Variants in GARIN1A observed in about 807,000 individuals in gnomAD.
The protein encoded by GARIN1A is Golgi-associated RAB2 interactor protein 1A.
At chr7:128,707,271 C>G in the GARIN1A span, among the ~76,000 whole-genome samples, 1 of 148,354 alleles carries the variant, frequency 6.7e-6, no homozygotes, top group Non-Finnish European at 1.5e-5. Context: ...AATATAAGAT[C>G]TACCCTCTTG....
chr7:128,671,795 C>G, the GARIN1A span, among the ~76,000 whole-genome samples: 1 of 151,820 alleles, frequency 6.6e-6, no homozygotes, highest in African/African-American at 2.4e-5. Context: ...CCCACTGTTT[C>G]CAAATAAATA....
At chr7:128,705,469 T>C in the GARIN1A span, among the ~76,000 whole-genome samples, 21,082 of 151,972 alleles carry the variant, frequency 0.14, 1,663 homozygotes, top group African/African-American at 0.2. Flanking sequence ...GTCTGCCAGA[T>C]TTTTCTACCA....
At chr7:128,679,288 G>A in the GARIN1A span, among the ~76,000 whole-genome samples, 1 of 151,972 alleles carries the variant, frequency 6.6e-6, no homozygotes, top group African/African-American at 2.4e-5. Context: ...CGCCTCCCAG[G>A]TTCAAGCGAT....
the GARIN1A span, among the ~76,000 whole-genome samples, chr7:128,689,192 G>T: frequency 6.6e-6 from 1 of 152,190 alleles, no homozygotes; most frequent in African/African-American, 2.4e-5. Context: ...CTTCCAAAGT[G>T]CCGAGATTGC....
chr7:128,708,827 T>C, the GARIN1A span, among the ~76,000 whole-genome samples: 1 of 152,218 alleles, frequency 6.6e-6, no homozygotes, highest in South Asian at 2.1e-4. Flanking sequence ...TTCTGTGACA[T>C]AGCTTCTTCC....
the GARIN1A span, chr7:128,675,812 T>A: frequency 1.2e-6 from 2 of 1,613,870 alleles, no homozygotes; most frequent in Non-Finnish European, 1.7e-6. Flanking sequence ...AGGGTCCATT[T>A]ACCACCTGGA....
At chr7:128,708,039 C>G in the GARIN1A span, among the ~76,000 whole-genome samples, 18 of 151,554 alleles carry the variant, frequency 1.2e-4, no homozygotes, top group African/African-American at 3.6e-4. Flanking sequence ...TTCCCTCTTT[C>G]CAGGATCTCT....
At chr7:128,689,978 TG>T in the GARIN1A span, among the ~76,000 whole-genome samples, 3 of 152,000 alleles carry the variant, frequency 2.0e-5, no homozygotes, top group African/African-American at 7.3e-5. Context: ...GGGGGAAAGG[TG>T]GGGAAAAGTT....
chr7:128,674,900 G>C, the GARIN1A span, among the ~76,000 whole-genome samples: 1 of 152,170 alleles, frequency 6.6e-6, no homozygotes, highest in South Asian at 2.1e-4. Context: ...TTTGACACCA[G>C]TCTGGGCAAC....
At chr7:128,707,772 A>G in the GARIN1A span, among the ~76,000 whole-genome samples, 1 of 152,172 alleles carries the variant, frequency 6.6e-6, no homozygotes, top group Non-Finnish European at 1.5e-5. Context: ...GATTCTGTGT[A>G]TAAGTGACAT....
the GARIN1A span, chr7:128,690,639 A>T: frequency 6.6e-6 from 1 of 152,170 alleles, no homozygotes; most frequent in Non-Finnish European, 1.5e-5. Flanking sequence ...TTTTATTTTT[A>T]AAAAATCTTT....
the GARIN1A span, among the ~76,000 whole-genome samples, chr7:128,682,226 C>A: frequency 6.6e-6 from 1 of 152,182 alleles, no homozygotes; most frequent in African/African-American, 2.4e-5. Flanking sequence ...TCTCTCCCCA[C>A]GTGACAACCC....
the GARIN1A span, among the ~76,000 whole-genome samples, chr7:128,688,391 A>G: frequency 6.6e-6 from 1 of 152,230 alleles, no homozygotes; most frequent in Non-Finnish European, 1.5e-5. Context: ...TACCCTATGC[A>G]CAAAATGAGA....
At chr7:128,671,679 G>T in the GARIN1A span, among the ~76,000 whole-genome samples, 1 of 150,674 alleles carries the variant, frequency 6.6e-6, no homozygotes, top group African/African-American at 2.4e-5. Context: ...AATAATTGCT[G>T]TGTTTAACAA....
chr7:128,692,857 A>T, the GARIN1A span, among the ~76,000 whole-genome samples: 13 of 152,338 alleles, frequency 8.5e-5, no homozygotes, highest in South Asian at 2.7e-3. Context: ...CAGGTCATCA[A>T]TTTAGAGAAA....
At chr7:128,689,134 G>A in the GARIN1A span, among the ~76,000 whole-genome samples, 11 of 151,988 alleles carry the variant, frequency 7.2e-5, no homozygotes, top group Non-Finnish European at 1.2e-4. Flanking sequence ...GTGCAGTGGC[G>A]TGATCTCGGC....
the GARIN1A span, among the ~76,000 whole-genome samples, chr7:128,701,385 A>G: frequency 1.3e-3 from 8 of 6,016 alleles, no homozygotes; most frequent in Non-Finnish European, 2.0e-3. Flanking sequence ...GGGGAGGGAG[A>G]GGGGAGGGGA....
the GARIN1A span, chr7:128,680,277 T>C: frequency 2.1e-6 from 1 of 486,056 alleles, no homozygotes; most frequent in African/African-American, 2.0e-5. Flanking sequence ...GCTTTTTCTG[T>C]CAATTTTATT....
At chr7:128,678,998 A>G in the GARIN1A span, among the ~76,000 whole-genome samples, 33 of 151,414 alleles carry the variant, frequency 2.2e-4, no homozygotes, top group Non-Finnish European at 4.4e-4. Context: ...TGTTACATAC[A>G]TATATACTTA....
Sources: gnomAD v4.1 joint callset for allele counts (sites outside exome capture counted in the v4.1 genomes callset) on GRCh38, gnomAD v4.1.1 for gene constraint, MANE v1.5 for transcripts, NCBI Gene and HGNC (gene_info 2026-07-23, HGNC 2026-07-21) for gene names.